AGPAT5: variants seen among roughly 807,000 people sequenced by gnomAD.
AGPAT5 encodes the protein 1-acyl-sn-glycerol-3-phosphate acyltransferase epsilon.
In AGPAT5, 46 loss-of-function variants were observed where a neutral mutation model predicts 45.6. The observed-to-expected ratio is 1.01, with a 90% CI of 0.80 to 1.29. The LOEUF (loss-of-function observed/expected upper bound fraction) is 1.29, where lower values mean the gene tolerates loss of function less well. Ranked by LOEUF, AGPAT5 falls within the 50% of genes most tolerant of loss-of-function variation. The pLI is 0.00. For synonymous variants in AGPAT5, 272 were observed against 167.0 expected, an observed-to-expected ratio of 1.63 and a Z score of -4.85; for missense variants, 673 against 450.7, an observed-to-expected ratio of 1.49 and a Z score of -4.47.
chr8:6,718,123 A>G (rs1190417341), intron 1 of AGPAT5, among the ~76,000 whole-genome samples: 2 of 152,232 alleles, frequency 1.3e-5, no homozygotes, highest in African/African-American at 4.8e-5. Context: ...CATCATAGAT[A>G]CTCAGAAAAA....
At chr8:6,754,754 A>G (rs1291771722) in intron 6 of AGPAT5, among the ~76,000 whole-genome samples, 1 of 152,198 alleles carries the variant, frequency 6.6e-6, no homozygotes, top group African/African-American at 2.4e-5. Context: ...TGGGCTGTCT[A>G]TAGCACTAAA....
intron 2 of AGPAT5, among the ~76,000 whole-genome samples, chr8:6,728,923 G>C (rs1800775924): frequency 6.6e-6 from 1 of 152,168 alleles, no homozygotes; most frequent in Admixed American, 6.5e-5. Flanking sequence ...AGAGAAAAGT[G>C]ATCATTGATA....
intron 1 of AGPAT5, among the ~76,000 whole-genome samples, chr8:6,720,353 G>C (rs1477559): frequency 0.49 from 74,433 of 152,030 alleles, 18,366 homozygotes; most frequent in African/African-American, 0.52. Context: ...TGTTACATGG[G>C]TTATTTTTAA....
rs554311034 is a variant in AGPAT5 at position 6,729,228 on chromosome 8, G to A, written c.290-1483G>A. On this transcript the variant is annotated intron_variant, in intron 2 of 7. Coordinates refer to ENST00000285518, the MANE Select transcript of AGPAT5 (RefSeq NM_018361.5). ...GATATTCTGACTAGTATGGTGCATT[G>A]TCTAATAGATTTCCCATAGCTGAGA... Among the ~76,000 whole-genome samples, 20 of 152,212 alleles carry A rather than the reference G, an allele frequency of 1.3e-4. 1 individual carries two copies. In the South Asian group the frequency reaches 3.9e-3, roughly 30 times the overall value.
intron 2 of AGPAT5, among the ~76,000 whole-genome samples, chr8:6,728,564 G>T (rs1437101990): frequency 6.6e-6 from 1 of 152,194 alleles, no homozygotes; most frequent in African/African-American, 2.4e-5. Flanking sequence ...GGAGGGGCAT[G>T]TGAGGCCATA....
At chr8:6,735,142 C>A (rs1319617102) in intron 4 of AGPAT5, among the ~76,000 whole-genome samples, 2 of 152,146 alleles carry the variant, frequency 1.3e-5, no homozygotes, top group African/African-American at 2.4e-5. Context: ...TGTATTCCTG[C>A]CTTTACTAAG....
intron 5 of AGPAT5, among the ~76,000 whole-genome samples, chr8:6,744,155 A>T (rs1801343060): frequency 6.6e-6 from 1 of 152,222 alleles, no homozygotes; most frequent in Non-Finnish European, 1.5e-5. Flanking sequence ...ATTAGAAAAG[A>T]CATAAACTAG....
At chr8:6,736,305 G>T (rs71525763) in intron 4 of AGPAT5, among the ~76,000 whole-genome samples, 20,176 of 152,084 alleles carry the variant, frequency 0.13, 1,598 homozygotes, top group East Asian at 0.24. Flanking sequence ...TCCTTTTTCT[G>T]TTCTAAAATA....
intron 4 of AGPAT5, among the ~76,000 whole-genome samples, chr8:6,740,748 G>A (rs1373270106): frequency 2.0e-5 from 3 of 152,010 alleles, no homozygotes; most frequent in African/African-American, 4.8e-5. Flanking sequence ...GAAGGCTTCT[G>A]TACCAGACGT....
At chr8:6,724,826 T>C (rs780905340) in intron 1 of AGPAT5, 44 bp from the exon 2 acceptor site, 18 of 582,730 alleles carry the variant, frequency 3.1e-5, no homozygotes, top group East Asian at 1.7e-4. Flanking sequence ...ATATTACAGA[T>C]GTTTTAAAAT....
Position 6,708,693 on chromosome 8 carries a change from A to T in AGPAT5, c.25A>T (p.Thr9Ser), listed in dbSNP as rs749585511. MLLSLVLH[T>S]YSMRYLLPSV... ...GATGCTGCTGTCCCTGGTGCTCCAC[A>T]CGTACTCCATGCGCTACCTGCTGCC... Residue 9 changes from threonine (T) to serine (S), a missense_variant, in exon 1 of 8, where the codon ACG (threonine) becomes TCG (serine). Physicochemically the swap from Thr to Ser is moderately conservative, Grantham distance 58. Coordinates refer to ENST00000285518, the MANE Select transcript of AGPAT5 (RefSeq NM_018361.5). 9 of 1,603,312 alleles carry T rather than the reference A, an allele frequency of 5.6e-6. No individual in the cohort carries two copies. In the African/African-American group the frequency reaches 1.2e-4, roughly 21 times the overall value.
chr8:6,723,076 C>T (rs1236652796), intron 1 of AGPAT5, among the ~76,000 whole-genome samples: 1 of 152,126 alleles, frequency 6.6e-6, no homozygotes, highest in South Asian at 2.1e-4. Flanking sequence ...TTTAAAAAGT[C>T]ACTGGTGCAC....
Position 6,708,811 on chromosome 8 carries a change from A to G in AGPAT5, c.143A>G (p.Gln48Arg). Residue 48 changes from glutamine to arginine, a missense_variant, in exon 1 of 8, where the codon CAA becomes CGA. By Grantham distance (43) the Gln-to-Arg change is conservative (BLOSUM62 1). Transcript: ENST00000285518. Reference sequence around the variant, plus strand: ...GCCTTCCTGCCCGCCCGCTTCTACCAAGCGCTGGACGACCGGCTCTACTGC... The same window carrying G: ...GCCTTCCTGCCCGCCCGCTTCTACCGAGCGCTGGACGACCGGCTCTACTGC... ...LSAFLPARFY[Q>R]ALDDRLYCVY... 3.7e-6 allele frequency: 6 copies of G among 1,611,226 alleles called. No individual in the cohort carries two copies. The highest frequency in any genetic ancestry group is 2.5e-6 in the Non-Finnish European group (3 of 1,179,662).
At chr8:6,735,325 C>T (rs1236696428) in intron 4 of AGPAT5, among the ~76,000 whole-genome samples, 1 of 152,150 alleles carries the variant, frequency 6.6e-6, no homozygotes, top group Non-Finnish European at 1.5e-5. Context: ...TTTTCCCTCC[C>T]ACAAGCCTAC....
intron 5 of AGPAT5, among the ~76,000 whole-genome samples, chr8:6,743,479 A>G (rs927241620): frequency 1.3e-5 from 2 of 152,228 alleles, no homozygotes; most frequent in African/African-American, 4.8e-5. Context: ...TGGTAACTCC[A>G]TCATTCAGTT....
At chr8:6,739,957 G>T (rs1407505341) in intron 4 of AGPAT5, among the ~76,000 whole-genome samples, 1 of 151,848 alleles carries the variant, frequency 6.6e-6, no homozygotes, top group Non-Finnish European at 1.5e-5. Context: ...ATCATATCAT[G>T]ATATGTAACG....
In AGPAT5 at chr8:6,732,606, G is replaced by C. The variant is rs765789423; in HGVS notation, c.451G>C (p.Glu151Gln). The C allele has an allele frequency of 1.9e-6, 3 of 1,611,210 alleles. No homozygotes were observed. Among genetic ancestry groups the C allele is most frequent in the Admixed American group, 3.4e-5 (2 of 59,014 alleles). Reference sequence around the variant, plus strand: ...GCGCAGTGCCAAATTTAACGAGAAAGAGATGCGAAACAAGTTGCAGAGCTA... The same window carrying C: ...GCGCAGTGCCAAATTTAACGAGAAACAGATGCGAAACAAGTTGCAGAGCTA... Reference protein sequence around the residue: ...VKRSAKFNEKEMRNKLQSYVD... With the variant: ...VKRSAKFNEKQMRNKLQSYVD... The change falls in exon 4 of 8, where the codon GAG (glutamate) becomes CAG (glutamine). Residue 151 changes from glutamate to glutamine, a missense_variant. By Grantham distance (29) the Glu-to-Gln change is conservative. Transcript: ENST00000285518.
At chr8:6,708,942 G>C in intron 1 of AGPAT5, 55 bp downstream of exon 1, 1 of 1,516,662 alleles carries the variant, frequency 6.6e-7, no homozygotes, top group Non-Finnish European at 8.9e-7. Context: ...CCGGGGGCGC[G>C]GACCTCTCCG....
chr8:6,732,687 C>A, intron 4 of AGPAT5, 37 bp downstream of exon 4: 1 of 1,472,828 alleles, frequency 6.8e-7, no homozygotes, highest in Non-Finnish European at 9.2e-7. Context: ...CTTACCAGCT[C>A]TCAGTTTCTA....
Sources: allele counts gnomAD v4.1 joint callset (sites outside exome capture counted in the v4.1 genomes callset), GRCh38; gene constraint gnomAD v4.1.1; transcripts MANE v1.5; gene names NCBI Gene and HGNC (gene_info 2026-07-23, HGNC 2026-07-21).